Variants in ABCB1 observed in about 807,000 individuals in gnomAD.
ABCB1 encodes the protein ATP binding cassette subfamily B member 1.
Under a neutral mutation model 142.0 loss-of-function variants are expected in ABCB1, and 69 were observed. The ratio of observed to expected loss-of-function variants is 0.49; its 90% CI spans 0.40 to 0.59. The LOEUF (loss-of-function observed/expected upper bound fraction) is 0.59, where lower values mean the gene tolerates loss of function less well. Among genes scored for constraint, ABCB1 ranks in the 20% least tolerant of loss-of-function variants. ABCB1 has a pLI of 0.00. For synonymous variants in ABCB1, 532 were observed against 539.2 expected (o/e 0.99, Z 0.18); for missense variants, 1,326 against 1,554.7 (o/e 0.85, Z 2.47).
intron 1 of ABCB1, chr7:87,694,125 A>G (rs956742684): frequency 2.8e-6 from 2 of 725,558 alleles, no homozygotes; most frequent in Non-Finnish European, 3.4e-6. Flanking sequence ...TCCAGAGAGC[A>G]CAAGTATGCT....
chr7:87,641,612 G>T (rs1822461583), intron 1 of ABCB1, among the ~76,000 whole-genome samples: 1 of 152,168 alleles, frequency 6.6e-6, no homozygotes, highest in Non-Finnish European at 1.5e-5. Flanking sequence ...CTGTGAATGT[G>T]CACTAAATGA....
intron 1 of ABCB1, among the ~76,000 whole-genome samples, chr7:87,657,996 A>C (rs1473157863): frequency 6.6e-6 from 1 of 152,190 alleles, no homozygotes; most frequent in Non-Finnish European, 1.5e-5. Context: ...AAATATGTCC[A>C]GCTTTCCATT....
At chr7:87,569,359 T>C (rs1817939011) in intron 5 of ABCB1, among the ~76,000 whole-genome samples, 1 of 151,858 alleles carries the variant, frequency 6.6e-6, no homozygotes, top group Admixed American at 6.6e-5. Context: ...AAAAATCTAT[T>C]TTTTTCAAAT....
intron 4 of ABCB1, among the ~76,000 whole-genome samples, chr7:87,578,904 G>A (rs935680770): frequency 5.3e-5 from 8 of 151,184 alleles, no homozygotes; most frequent in Non-Finnish European, 1.2e-4. Flanking sequence ...CGTTTTAGCC[G>A]GGATAGTCTC....
intron 4 of ABCB1, among the ~76,000 whole-genome samples, chr7:87,575,390 A>G (rs1362665904): frequency 6.6e-6 from 1 of 152,150 alleles, no homozygotes; most frequent in African/African-American, 2.4e-5. Context: ...CTGAAGATAA[A>G]CCCAGAATGA....
At position 87,566,833 on chromosome 7, in the gene ABCB1, C is replaced by T; in HGVS notation, c.482G>A (p.Gly161Asp). 3.1e-6 allele frequency: 5 copies of T among 1,614,160 alleles called. No individual in the cohort carries two copies. Among genetic ancestry groups the T allele is most frequent in the Non-Finnish European group, 3.4e-6 (4 of 1,180,030 alleles). Residue 161 changes from glycine to aspartate, a missense_variant, in exon 6 of 28, where the codon GGC becomes GAC. Physicochemically the swap from Gly to Asp is moderately conservative, Grantham distance 94 (BLOSUM62 -1). Coordinates refer to ENST00000622132, the MANE Select transcript of ABCB1 (RefSeq NM_001348946.2). ...CCCAACATCGTGCACATCAAACCAGCCTATCTCCTGTCGCATTATAGCATG... is the reference window on the plus strand; with the variant it reads ...CCCAACATCGTGCACATCAAACCAGTCTATCTCCTGTCGCATTATAGCATG... Reference protein sequence around the residue: ...FFHAIMRQEIGWFDVHDVGEL... With the variant: ...FFHAIMRQEIDWFDVHDVGEL...
intron 21 of ABCB1, among the ~76,000 whole-genome samples, chr7:87,530,665 T>A (rs1815995769): frequency 6.6e-6 from 1 of 151,906 alleles, no homozygotes; most frequent in South Asian, 2.1e-4. Flanking sequence ...AGAGTGGTAG[T>A]AATTTAAAAC....
intron 14 of ABCB1, among the ~76,000 whole-genome samples, chr7:87,549,059 C>T (rs1816929444): frequency 6.6e-6 from 1 of 152,200 alleles, no homozygotes; most frequent in African/African-American, 2.4e-5. Context: ...TGAACTTTCA[C>T]ATGTGTCTAT....
chr7:87,555,603 T>C (rs1817273341), intron 8 of ABCB1, among the ~76,000 whole-genome samples: 1 of 152,180 alleles, frequency 6.6e-6, no homozygotes, highest in African/African-American at 2.4e-5. Context: ...CAGAACTTCA[T>C]AGTGACAACA....
intron 4 of ABCB1, among the ~76,000 whole-genome samples, chr7:87,583,109 G>A (rs986789415): frequency 7.2e-5 from 11 of 152,290 alleles, no homozygotes; most frequent in African/African-American, 2.6e-4. Flanking sequence ...ATCATTGAAA[G>A]TTATGTAATT....
intron 1 of ABCB1, chr7:87,693,950 C>T (rs776822862): frequency 6.2e-7 from 1 of 1,611,490 alleles, no homozygotes. Context: ...CTCCAAATAC[C>T]TCTTCAAGGT....
intron 4 of ABCB1, among the ~76,000 whole-genome samples, chr7:87,572,486 A>G (rs1341171074): frequency 6.6e-6 from 1 of 152,194 alleles, no homozygotes; most frequent in African/African-American, 2.4e-5. Context: ...ATACATAGAA[A>G]ACAAGTCTAG....
At chr7:87,633,727 T>A (rs1821459223) in intron 1 of ABCB1, among the ~76,000 whole-genome samples, 1 of 152,150 alleles carries the variant, frequency 6.6e-6, no homozygotes, top group African/African-American at 2.4e-5. Context: ...GCTTTAGAAC[T>A]CTGAACTTCT....
intron 21 of ABCB1, among the ~76,000 whole-genome samples, 190 bp downstream of exon 21, chr7:87,531,104 T>C (rs1235342314): frequency 6.6e-6 from 1 of 152,214 alleles, no homozygotes; most frequent in Non-Finnish European, 1.5e-5. Flanking sequence ...TTATCAGTTT[T>C]TGAGTCCAAG....
At chr7:87,705,752 C>T (rs1345971896) in intron 1 of ABCB1, among the ~76,000 whole-genome samples, 8 of 152,090 alleles carry the variant, frequency 5.3e-5, no homozygotes, top group African/African-American at 1.2e-4. Flanking sequence ...ACCCATCTTC[C>T]GCATCTGCTC....
intron 1 of ABCB1, chr7:87,659,167 AAACAAC>A: frequency 4.9e-6 from 2 of 409,930 alleles, no homozygotes. Context: ...GTCTCAAAAC[AAACAAC>A]AACAACAAAA....
At chr7:87,559,030 T>G (rs1349352418) in intron 8 of ABCB1, among the ~76,000 whole-genome samples, 2 of 152,158 alleles carry the variant, frequency 1.3e-5, no homozygotes, top group East Asian at 3.8e-4. Context: ...GTCCTTTAGT[T>G]TTCCTTTCTC....
intron 21 of ABCB1, chr7:87,521,789 T>C (rs1420239930): frequency 2.5e-6 from 2 of 795,694 alleles, no homozygotes; most frequent in Non-Finnish European, 4.5e-6. Flanking sequence ...AAGATATTTG[T>C]TGGTGGCATT....
At chr7:87,576,597 T>C (rs1176534970) in intron 4 of ABCB1, among the ~76,000 whole-genome samples, 1 of 151,794 alleles carries the variant, frequency 6.6e-6, no homozygotes, top group Non-Finnish European at 1.5e-5. Flanking sequence ...GCTTCAGTTA[T>C]TGCTAACAGT....
Sources: allele counts gnomAD v4.1 joint callset (sites outside exome capture counted in the v4.1 genomes callset), GRCh38; gene constraint gnomAD v4.1.1; transcripts MANE v1.5; gene names NCBI Gene and HGNC (gene_info 2026-07-23, HGNC 2026-07-21).